MMP15: variants seen among roughly 807,000 people sequenced by gnomAD.
The protein encoded by MMP15 is matrix metallopeptidase 15, also known as matrix metalloproteinase-15.
Under a neutral mutation model 65.0 loss-of-function variants are expected in MMP15, and 36 were observed. The observed-to-expected ratio is 0.55, with a 90% CI of 0.42 to 0.73. The LOEUF is 0.73. MMP15 is among the 30% of genes least tolerant of loss of function. The pLI, the probability that MMP15 is intolerant of heterozygous loss-of-function variation, is 0.00. For missense variants in MMP15, 870 were observed against 987.8 expected (o/e 0.88, Z 1.60); for synonymous variants, 428 against 410.2 (o/e 1.04, Z -0.52).
In MMP15 at chr16:58,045,928, C is replaced by G. The variant is rs1046392729; in HGVS notation, c.*482C>G. Reference sequence around the variant, plus strand: ...GGGGCAGCCCCAGGCCAAAGGGGACCTGGAAGGGAGGTGGGCCGTGGCCCT... The same window carrying G: ...GGGGCAGCCCCAGGCCAAAGGGGACGTGGAAGGGAGGTGGGCCGTGGCCCT... On this transcript the variant is annotated 3_prime_UTR_variant, in exon 10 of 10. Coordinates refer to ENST00000219271, the MANE Select transcript of MMP15 (RefSeq NM_002428.4). 4 of 162,782 alleles carry G rather than the reference C, an allele frequency of 2.5e-5. No individual in the cohort carries two copies. In the South Asian group the frequency reaches 6.7e-4, roughly 27 times the overall value. 10.1% of individuals were successfully genotyped at this position (162,782 alleles called of 1,614,324 possible).
At chr16:58,037,117 C>T (rs1311746219) in intron 1 of MMP15, among the ~76,000 whole-genome samples, 1 of 152,212 alleles carries the variant, frequency 6.6e-6, no homozygotes, top group African/African-American at 2.4e-5. Flanking sequence ...TGCAAAGGCC[C>T]TGCGGCAGGA....
At position 58,045,533 on chromosome 16, in the gene MMP15, G is replaced by T; in HGVS notation, c.*87G>T. The T allele has an allele frequency of 4.7e-6, 5 of 1,060,746 alleles. No homozygotes were observed. Among genetic ancestry groups the T allele is most frequent in the Non-Finnish European group, 6.6e-6 (5 of 756,210 alleles). The allele number at this position is 1,060,746 out of a possible 1,614,324, so 65.7% of individuals were successfully genotyped here. A position where few individuals can be genotyped will look rare whatever the true frequency, so the allele number is the denominator to read the frequency against. On this transcript the variant is annotated 3_prime_UTR_variant, in exon 10 of 10. Transcript: ENST00000219271. ...GGGCTCCCTCCGCCCCCAGGTAGGG[G>T]CCCCTCTCAGCCCTCACACACCCTG... is the stretch of plus-strand genomic sequence containing the variant.
At position 58,026,315 on chromosome 16, in the gene MMP15, C is replaced by G; in HGVS notation, c.-36C>G. 1.5e-6 allele frequency: 2 copies of G among 1,290,646 alleles called. No homozygotes were observed. The highest frequency in any genetic ancestry group is 2.0e-6 in the Non-Finnish European group (2 of 1,019,836). 79.9% of individuals were successfully genotyped at this position (1,290,646 alleles called of 1,614,324 possible). A position where few individuals can be genotyped will look rare whatever the true frequency, so the allele number is the denominator to read the frequency against. ...TTCCAAGGCGCGTGCGAGGATCCGG[C>G]GTGCAGTGTTCCGAGCTGGGCTGGG... On this transcript the variant is annotated 5_prime_UTR_variant, in exon 1 of 10. Coordinates refer to ENST00000219271, the MANE Select transcript of MMP15 (RefSeq NM_002428.4).
rs371732794 is a variant in MMP15, at chr16:58,045,316, T to C, written c.1880T>C (p.Val627Ala). Reference protein sequence around the residue: ...MEEVARTVNVVMVLVPLLLLL... With the variant: ...MEEVARTVNVAMVLVPLLLLL... ...GAGGTGGCACGGACGGTGAACGTGG[T>C]GATGGTGCTGGTGCCACTGCTGCTG... The change falls in exon 10 of 10, where the codon GTG (valine) becomes GCG (alanine). Residue 627 changes from valine (V) to alanine (A), a missense_variant. Transcript: ENST00000219271. 17 of 1,609,706 alleles carry C rather than the reference T, an allele frequency of 1.1e-5. No individual in the cohort carries two copies. In the African/African-American group the frequency reaches 2.1e-4, roughly 20 times the overall value.
In MMP15 at chr16:58,026,177, C is replaced by T. The variant is rs1963810679; in HGVS notation, c.-174C>T. On this transcript the variant is annotated 5_prime_UTR_variant, in exon 1 of 10. Transcript: ENST00000219271. ...CGAGCTCCCGGACCTGCCCTGCCCG[C>T]TTCTCCTCGGGCTTGGGAATTTGCC... The T allele has an allele frequency of 4.7e-6, 3 of 638,560 alleles. No individual in the cohort carries two copies. Among genetic ancestry groups the T allele is most frequent in the Non-Finnish European group, 6.7e-6 (3 of 448,790 alleles). The allele number at this position is 638,560 out of a possible 1,614,324, so 39.6% of individuals were successfully genotyped here.
Position 58,040,006 on chromosome 16 carries a change from G to A in MMP15, c.572G>A (p.Arg191Gln), listed in dbSNP as rs755921600. The change falls in exon 4 of 10, where the codon CGA (arginine) becomes CAA (glutamine). Residue 191 changes from arginine to glutamine, a missense_variant. Coordinates refer to ENST00000219271, the MANE Select transcript of MMP15 (RefSeq NM_002428.4). ...CCCTATGAGGACATCCGGCTGCGGC[G>A]ACAGAAGGAGGCCGACATCATGGTA... ...EVPYEDIRLRRQKEADIMVLF... is the reference protein window; with the variant it reads ...EVPYEDIRLRQQKEADIMVLF... The A allele has an allele frequency of 1.5e-5, 24 of 1,614,074 alleles. No homozygotes were observed. Among genetic ancestry groups the A allele is most frequent in the South Asian group, 3.3e-5 (3 of 91,088 alleles).
chr16:58,029,605 T>G (rs967747809), intron 1 of MMP15, among the ~76,000 whole-genome samples: 6 of 152,226 alleles, frequency 3.9e-5, no homozygotes, highest in Non-Finnish European at 8.8e-5. Context: ...GTTTCCGAGT[T>G]GGGGCTGCCC....
chr16:58,040,441 C>T, intron 4 of MMP15, 96 bp from the exon 5 acceptor site: 1 of 1,440,740 alleles, frequency 6.9e-7, no homozygotes, highest in South Asian at 1.3e-5. Flanking sequence ...GAAGCAAGGG[C>T]AGGCTCTCTG....
chr16:58,028,289 C>G (rs908995672), intron 1 of MMP15, among the ~76,000 whole-genome samples: 2 of 152,206 alleles, frequency 1.3e-5, no homozygotes, highest in African/African-American at 4.8e-5. Flanking sequence ...TGCTCCTGAT[C>G]TGGAGGTTGT....
chr16:58,038,730 G>A (rs185932153), intron 3 of MMP15, among the ~76,000 whole-genome samples: 1 of 152,350 alleles, frequency 6.6e-6, no homozygotes, highest in Non-Finnish European at 1.5e-5. Context: ...CAGGCAGCAA[G>A]TCACCTGCAG....
In MMP15 at chr16:58,041,802, G is replaced by T; in HGVS notation, c.1096G>T (p.Gly366Cys). Residue 366 changes from glycine (G) to cysteine (C), a missense_variant, in exon 6 of 10, where the codon GGC becomes TGC. Transcript: ENST00000219271. ...AGCCACAGAGCGGCCCGACCAGTAT[G>T]GCCCCAACATCTGCGACGGGGACTT... ...PRATERPDQY[G>C]PNICDGDFDT... is the part of the protein sequence containing the mutation. The T allele has an allele frequency of 6.2e-7, 1 of 1,612,366 alleles. No individual in the cohort carries two copies. The highest frequency in any genetic ancestry group is 8.5e-7 in the Non-Finnish European group (1 of 1,179,322).
intron 8 of MMP15, 57 bp from the exon 9 acceptor site, chr16:58,043,455 A>G: frequency 6.2e-7 from 1 of 1,602,000 alleles, no homozygotes; most frequent in Non-Finnish European, 8.5e-7. Flanking sequence ...CCTGTGGGGA[A>G]CGGGTCCTGG....
At chr16:58,043,861 G>A (rs1194845296) in intron 9 of MMP15, among the ~76,000 whole-genome samples, 1 of 152,196 alleles carries the variant, frequency 6.6e-6, no homozygotes, top group African/African-American at 2.4e-5. Context: ...TGAGCAGAGT[G>A]CCCCAAATTC....
chr16:58,042,952 G>T (rs1325719463), intron 7 of MMP15, among the ~76,000 whole-genome samples: 1 of 152,186 alleles, frequency 6.6e-6, no homozygotes, highest in Non-Finnish European at 1.5e-5. Flanking sequence ...TGCGGGGGTG[G>T]ATGTGCACAT....
chr16:58,037,560 C>T lies in MMP15; in HGVS notation c.251C>T (p.Ala84Val). The T allele has an allele frequency of 6.2e-7, 1 of 1,614,206 alleles. No homozygotes were observed. Among genetic ancestry groups the T allele is most frequent in the South Asian group, 1.1e-5 (1 of 91,088 alleles). ...RSAQILASAL[A>V]EMQRFYGIPV... ...GCCCAGATCTTGGCCTCGGCCCTTG[C>T]AGAGATGCAGCGCTTCTACGGGATC... is the stretch of plus-strand genomic sequence containing the variant. Residue 84 changes from alanine to valine, a missense_variant, in exon 2 of 10, where the codon GCA (alanine) becomes GTA (valine). By Grantham distance (64) the Ala-to-Val change is moderately conservative. Coordinates refer to ENST00000219271, the MANE Select transcript of MMP15 (RefSeq NM_002428.4).
intron 1 of MMP15, among the ~76,000 whole-genome samples, chr16:58,035,325 C>T (rs773220208): frequency 4.6e-5 from 7 of 152,170 alleles, no homozygotes; most frequent in Admixed American, 2.0e-4. Flanking sequence ...GTGAGGAGTG[C>T]TAGTGGAGGG....
At chr16:58,040,961 C>A in intron 5 of MMP15, 1 of 562,888 alleles carries the variant, frequency 1.8e-6, no homozygotes, top group Non-Finnish European at 3.2e-6. Flanking sequence ...CATGACCCTC[C>A]TCTCCTCCTC....
At position 58,041,819 on chromosome 16, in the gene MMP15, C is replaced by G. The variant is rs780401733; in HGVS notation, c.1113C>G (p.Asp371Glu). The change falls in exon 6 of 10, where the codon GAC becomes GAG. Residue 371 changes from aspartate (D) to glutamate (E), a missense_variant. By Grantham distance (45) the Asp-to-Glu change is conservative. Coordinates refer to ENST00000219271, the MANE Select transcript of MMP15 (RefSeq NM_002428.4). ...RPDQYGPNIC[D>E]GDFDTVAMLR... ...ACCAGTATGGCCCCAACATCTGCGA[C>G]GGGGACTTTGACACAGTGGCCATGC... 1 of 1,611,700 alleles carries G rather than the reference C, an allele frequency of 6.2e-7. No individual in the cohort carries two copies. Among genetic ancestry groups the G allele is most frequent in the South Asian group, 1.1e-5 (1 of 90,752 alleles).
intron 6 of MMP15, 92 bp from the exon 7 acceptor site, chr16:58,042,139 A>C (rs1462032431): frequency 1.6e-5 from 24 of 1,497,178 alleles, no homozygotes; most frequent in African/African-American, 2.8e-5. Context: ...CCTTGGGCCC[A>C]CCCTCACCTG....
Sources: allele counts gnomAD v4.1 joint callset (sites outside exome capture counted in the v4.1 genomes callset), GRCh38; gene constraint gnomAD v4.1.1; transcripts MANE v1.5; gene names NCBI Gene and HGNC (gene_info 2026-07-23, HGNC 2026-07-21).